The following SAA1 variants were observed in gnomAD, a reference collection of about 807,000 sequenced individuals.
SAA1 encodes the protein serum amyloid A1.
SAA1 carries 4 observed loss-of-function variants against 9.8 expected under a neutral mutation model. The observed-to-expected ratio is 0.41, with a 90% CI of 0.20 to 0.93. The LOEUF (loss-of-function observed/expected upper bound fraction) is 0.93. SAA1 is among the 40% of genes least tolerant of loss of function. SAA1 has a pLI of 0.33. For synonymous variants in SAA1, 47 were observed against 57.7 expected, an observed-to-expected ratio of 0.82 and a Z score of 0.84; for missense variants, 114 against 155.5, an observed-to-expected ratio of 0.73 and a Z score of 1.42.
chr11:18,267,401 G>A (rs113670201), intron 2 of SAA1, among the ~76,000 whole-genome samples: 6,289 of 52,486 alleles, frequency 0.12, 798 homozygotes, highest in African/African-American at 0.19. Context: ...GTCGAGGATT[G>A]TTGTCAGTTA....
intron 2 of SAA1, among the ~76,000 whole-genome samples, chr11:18,267,928 G>A (rs1398284909): frequency 2.0e-5 from 3 of 151,084 alleles, no homozygotes; most frequent in South Asian, 2.1e-4. Flanking sequence ...CCAGGTAGAC[G>A]CATCACTGAC....
chr11:18,269,603 C>T (rs1858157619), intron 3 of SAA1, 114 bp from the exon 4 acceptor site: 1 of 1,484,932 alleles, frequency 6.7e-7, no homozygotes, highest in South Asian at 1.3e-5. Context: ...TCCCTCCTTC[C>T]TTGGCCTTTC....
intron 2 of SAA1, among the ~76,000 whole-genome samples, chr11:18,268,313 A>G (rs1410008592): frequency 1.3e-5 from 2 of 151,976 alleles, no homozygotes; most frequent in Non-Finnish European, 2.9e-5. Flanking sequence ...CAGAGGTTGC[A>G]GTGACTAGAG....
Position 18,269,762 on chromosome 11 carries a change from G to C in SAA1, c.276G>C (p.Glu92Asp). The change falls in exon 4 of 4, where the codon GAG becomes GAC. Residue 92 changes from glutamate to aspartate, a missense_variant. This residue lies in a region of SAA1 where 68 missense variants were observed against 54.7 expected (regional missense o/e 1.24). Transcript: ENST00000356524. Reference sequence around the variant, plus strand: ...AGAGATTCTTTGGCCATGGTGCGGAGGACTCGCTGGCTGATCAGGCTGCCA... The same window carrying C: ...AGAGATTCTTTGGCCATGGTGCGGACGACTCGCTGGCTGATCAGGCTGCCA... ...NIQRFFGHGA[E>D]DSLADQAANE... is the part of the protein sequence containing the mutation. 6.2e-7 allele frequency: 1 copy of C among 1,614,024 alleles called. No homozygotes were observed. The highest frequency in any genetic ancestry group is 8.5e-7 in the Non-Finnish European group (1 of 1,179,908).
chr11:18,269,888 G>T lies in SAA1; in HGVS notation c.*33G>T. The T allele has an allele frequency of 6.2e-7, 1 of 1,612,012 alleles. No homozygotes were observed. The highest frequency in any genetic ancestry group is 8.5e-7 in the Non-Finnish European group (1 of 1,178,908). On this transcript the variant is annotated 3_prime_UTR_variant, in exon 4 of 4. Coordinates refer to ENST00000356524, the MANE Select transcript of SAA1 (RefSeq NM_199161.5). ...CTTCACTCTGCTCTCAGGAGATCTG[G>T]CTGTGAGGCCCTCAGGGCAGGGATA...
At chr11:18,267,852 T>C (rs1481497086) in intron 2 of SAA1, among the ~76,000 whole-genome samples, 1 of 133,340 alleles carries the variant, frequency 7.5e-6, no homozygotes, top group African/African-American at 2.8e-5. Flanking sequence ...CCCAGGGACT[T>C]ACTGCCAGTC....
chr11:18,269,848 A>G lies in SAA1; in HGVS notation c.362A>G (p.Lys121Arg), dbSNP rs61745680. The G allele has an allele frequency of 5.9e-3, 9,494 of 1,614,090 alleles. 523 individuals carry two copies. In the African/African-American group the frequency reaches 0.11, roughly 19 times the overall value. The change falls in exon 4 of 4, where the codon AAA (lysine) becomes AGA (arginine). Residue 121 changes from lysine to arginine, a missense_variant. Around this residue, in one of 2 missense-constraint regions of SAA1, gnomAD observed 68 missense variants for 54.7 expected, o/e 1.24. Coordinates refer to ENST00000356524, the MANE Select transcript of SAA1 (RefSeq NM_199161.5). ...TTCCGACCTGCTGGCCTGCCTGAGA[A>G]ATACTGAGCTTCCTCTTCACTCTGC... ...NHFRPAGLPE[K>R]Y
chr11:18,267,694 C>G (rs1858076186), intron 2 of SAA1, among the ~76,000 whole-genome samples: 1 of 113,540 alleles, frequency 8.8e-6, no homozygotes, highest in Admixed American at 9.0e-5. Flanking sequence ...GAGCTGGGAA[C>G]TAACGTGCCT....
rs1268033111 is a variant in SAA1 at position 18,269,634 on chromosome 11, C to G, written c.231-83C>G. The G allele has an allele frequency of 5.1e-6, 8 of 1,563,352 alleles. 1 individual carries two copies. In the Admixed American group the frequency reaches 8.5e-5, roughly 17 times the overall value. Reference sequence around the variant, plus strand: ...CTTTCTGGGCTCCTCTCTGAGCCCTCCCTTGGAACAGGGAGAATGGGAGGG... The same window carrying G: ...CTTTCTGGGCTCCTCTCTGAGCCCTGCCTTGGAACAGGGAGAATGGGAGGG... On this transcript the variant is annotated intron_variant, in intron 3 of 3. Coordinates refer to ENST00000356524, the MANE Select transcript of SAA1 (RefSeq NM_199161.5).
At chr11:18,268,200 G>A (rs1186492222) in intron 2 of SAA1, among the ~76,000 whole-genome samples, 3 of 151,722 alleles carry the variant, frequency 2.0e-5, no homozygotes, top group Non-Finnish European at 4.4e-5. Flanking sequence ...GTGAAACCCC[G>A]TCTCTACTAA....
intron 2 of SAA1, among the ~76,000 whole-genome samples, chr11:18,268,182 C>T (rs1433320040): frequency 6.6e-6 from 1 of 151,706 alleles, no homozygotes; most frequent in Non-Finnish European, 1.5e-5. Flanking sequence ...AGCAGCCTGG[C>T]CAACATGGTG....
Position 18,269,148 on chromosome 11 carries a change from T to A in SAA1, c.92-47T>A, listed in dbSNP as rs747707026. ...ATTCCCCTCTAAGGTGTTGTTGGAG[T>A]CTTTATGTTCTCCTGATGTCCCTTC... On this transcript the variant is annotated intron_variant, in intron 2 of 3. Transcript: ENST00000356524. 9 of 1,599,984 alleles carry A rather than the reference T, an allele frequency of 5.6e-6. No individual in the cohort carries two copies. In the South Asian group the frequency reaches 1.0e-4, roughly 18 times the overall value.
At chr11:18,266,542 G>C (rs1858035300) in intron 1 of SAA1, 1 of 222,428 alleles carries the variant, frequency 4.5e-6, no homozygotes, top group Non-Finnish European at 9.1e-6. Flanking sequence ...CCTGCTTTGT[G>C]TTTATCCCAT....
chr11:18,269,796 G>A lies in SAA1; in HGVS notation c.310G>A (p.Gly104Ser). ...SLADQAANEW[G>S]RSGKDPNHFR... is the part of the protein sequence containing the mutation. ...GGCTGATCAGGCTGCCAATGAATGG[G>A]GCAGGAGTGGCAAAGACCCCAATCA... Residue 104 changes from glycine to serine, a missense_variant, in exon 4 of 4, where the codon GGC becomes AGC. Physicochemically the swap from Gly to Ser is moderately conservative, Grantham distance 56. Around this residue, in one of 2 missense-constraint regions of SAA1, gnomAD observed 68 missense variants for 54.7 expected, o/e 1.24. Transcript: ENST00000356524. The A allele has an allele frequency of 6.2e-7, 1 of 1,614,026 alleles. No homozygotes were observed. Among genetic ancestry groups the A allele is most frequent in the Non-Finnish European group, 8.5e-7 (1 of 1,179,994 alleles).
chr11:18,269,809 A>G lies in SAA1; in HGVS notation c.323A>G (p.Lys108Arg), dbSNP rs1059571. 0.012 allele frequency: 20,107 copies of G among 1,608,608 alleles called. 150 individuals are homozygous for G. Among genetic ancestry groups the G allele is most frequent in the Non-Finnish European group, 0.015 (17,307 of 1,179,732 alleles). Residue 108 changes from lysine to arginine, a missense_variant, in exon 4 of 4, where the codon AAA (lysine) becomes AGA (arginine). Transcript: ENST00000356524. ...QAANEWGRSG[K>R]DPNHFRPAGL... Reference sequence around the variant, plus strand: ...GCCAATGAATGGGGCAGGAGTGGCAAAGACCCCAATCACTTCCGACCTGCT... The same window carrying G: ...GCCAATGAATGGGGCAGGAGTGGCAGAGACCCCAATCACTTCCGACCTGCT...
At chr11:18,268,409 C>T (rs1015010775) in intron 2 of SAA1, among the ~76,000 whole-genome samples, 7 of 152,114 alleles carry the variant, frequency 4.6e-5, no homozygotes, top group Non-Finnish European at 8.8e-5. Flanking sequence ...AGGCAGAGCA[C>T]CACTGCCCTA....
chr11:18,268,859 AAAAAG>A (rs1858119495), intron 2 of SAA1, among the ~76,000 whole-genome samples: 2 of 76,870 alleles, frequency 2.6e-5, no homozygotes, highest in African/African-American at 9.8e-5. Context: ...AAAAAAAAAA[AAAAAG>A]AATATAAACT....
At chr11:18,268,195 A>AT (rs1858091408) in intron 2 of SAA1, among the ~76,000 whole-genome samples, 1 of 151,256 alleles carries the variant, frequency 6.6e-6, no homozygotes, top group Non-Finnish European at 1.5e-5. Context: ...ACATGGTGAA[A>AT]CCCCGTCTCT....
intron 2 of SAA1, among the ~76,000 whole-genome samples, chr11:18,268,346 TG>T (rs1858097484): frequency 6.6e-6 from 1 of 151,776 alleles, no homozygotes; most frequent in Non-Finnish European, 1.5e-5. Flanking sequence ...TCCTCCAACC[TG>T]GGTGACAGAG....
Sources: allele counts gnomAD v4.1 joint callset (sites outside exome capture counted in the v4.1 genomes callset), GRCh38; gene constraint gnomAD v4.1.1; regional missense constraint gnomAD v4.1.1; transcripts MANE v1.5; gene names NCBI Gene and HGNC (gene_info 2026-07-23, HGNC 2026-07-21).